Variants in OPCML observed in about 807,000 individuals in gnomAD.
OPCML encodes opioid-binding protein/cell adhesion molecule.
OPCML carries 13 observed loss-of-function variants against 37.8 expected under a neutral mutation model. That is an observed-to-expected ratio of 0.34 (90% CI 0.22 to 0.55). The LOEUF (loss-of-function observed/expected upper bound fraction) is 0.55, where lower values mean the gene tolerates loss of function less well. OPCML is among the 20% of genes least tolerant of loss of function. The pLI, the probability that OPCML is intolerant of heterozygous loss-of-function variation, is 0.91. For missense variants in OPCML, 341 were observed against 435.6 expected, an observed-to-expected ratio of 0.78 and a Z score of 1.93; for synonymous variants, 176 against 168.8, an observed-to-expected ratio of 1.04 and a Z score of -0.33.
intron 4 of OPCML, among the ~76,000 whole-genome samples, chr11:132,445,098 C>T (rs1238775593): frequency 6.6e-6 from 1 of 152,218 alleles, no homozygotes; most frequent in African/African-American, 2.4e-5. Context: ...AGTGGCTTGC[C>T]CCCATCCAGG....
chr11:133,125,561 T>C (rs551668507), intron 1 of OPCML, among the ~76,000 whole-genome samples: 1 of 148,846 alleles, frequency 6.7e-6, no homozygotes, highest in South Asian at 2.1e-4. Flanking sequence ...AGGATATATA[T>C]ATATATAAAA....
At chr11:132,720,498 T>A (rs181078856) in intron 2 of OPCML, among the ~76,000 whole-genome samples, 1 of 152,352 alleles carries the variant, frequency 6.6e-6, no homozygotes, top group Non-Finnish European at 1.5e-5. Context: ...AAAACTGCAT[T>A]TGCCAAAAAG....
intron 2 of OPCML, among the ~76,000 whole-genome samples, chr11:132,905,939 T>C (rs1266010529): frequency 6.6e-6 from 1 of 152,220 alleles, no homozygotes; most frequent in Non-Finnish European, 1.5e-5. Context: ...GATGCATGTC[T>C]TAGCATTCAT....
intron 2 of OPCML, among the ~76,000 whole-genome samples, chr11:132,876,547 A>C (rs74690231): frequency 6.6e-6 from 1 of 152,184 alleles, no homozygotes; most frequent in Non-Finnish European, 1.5e-5. Context: ...AATCATCCTC[A>C]TGCTTACAGT....
At chr11:132,993,566 C>T (rs1425491246) in intron 1 of OPCML, among the ~76,000 whole-genome samples, 1 of 152,138 alleles carries the variant, frequency 6.6e-6, no homozygotes, top group Non-Finnish European at 1.5e-5. Flanking sequence ...TCTTCATGCC[C>T]TCCAGGGTGG....
chr11:132,440,445 C>T (rs2096028776), intron 4 of OPCML, among the ~76,000 whole-genome samples: 2 of 152,094 alleles, frequency 1.3e-5, no homozygotes, highest in Admixed American at 1.3e-4. Context: ...GGCCGGGGCC[C>T]CCACCCTGAG....
At position 133,281,173 on chromosome 11, in the gene OPCML, C is replaced by T. The variant is rs564620234; in HGVS notation, c.61+251091G>A. ...TGCTTAAAGAGACAAACCATGGGTC[C>T]ATCTGATATGGTGATATGGTTTGGA... is the stretch of plus-strand genomic sequence containing the variant. On this transcript the variant is annotated intron_variant, in intron 1 of 7. Coordinates refer to ENST00000524381, the MANE Select transcript of OPCML (RefSeq NM_001012393.5). Among the ~76,000 whole-genome samples the T allele has an allele frequency of 8.5e-5, 13 of 152,232 alleles. No individual in the cohort carries two copies. The South Asian group carries it at 2.3e-3, about 27-fold the overall frequency.
chr11:132,606,947 G>A (rs563290630), intron 3 of OPCML, among the ~76,000 whole-genome samples: 2 of 152,088 alleles, frequency 1.3e-5, no homozygotes, highest in Non-Finnish European at 2.9e-5. Context: ...TGCTTCCCAG[G>A]GGTTTCTGTC....
chr11:132,607,594 G>A (rs1011079139), intron 3 of OPCML, among the ~76,000 whole-genome samples: 3 of 152,176 alleles, frequency 2.0e-5, no homozygotes, highest in African/African-American at 7.2e-5. Flanking sequence ...TAAACCACCT[G>A]CTTTTCTATA....
intron 1 of OPCML, among the ~76,000 whole-genome samples, chr11:133,268,324 G>A (rs969945886): frequency 2.0e-5 from 3 of 152,088 alleles, no homozygotes; most frequent in African/African-American, 4.8e-5. Context: ...TAACTGAAAG[G>A]GACATTTCCA....
At chr11:133,522,361 T>TTGTACTAC (rs1342750155) in intron 1 of OPCML, among the ~76,000 whole-genome samples, 1 of 152,212 alleles carries the variant, frequency 6.6e-6, no homozygotes, top group Non-Finnish European at 1.5e-5. Context: ...GCATTTGGTA[T>TTGTACTAC]TGTACTACCC....
intron 2 of OPCML, among the ~76,000 whole-genome samples, chr11:132,738,126 G>A (rs1003331249): frequency 2.0e-4 from 31 of 152,144 alleles, no homozygotes; most frequent in Middle Eastern, 3.2e-3. Context: ...CGCTAGAGTG[G>A]GAAGCATTGC....
chr11:132,535,797 C>T (rs370125503), intron 3 of OPCML, among the ~76,000 whole-genome samples: 27 of 152,178 alleles, frequency 1.8e-4, no homozygotes, highest in African/African-American at 6.5e-4. Context: ...GCGGTTTCCT[C>T]CCCTAGGAGG....
intron 2 of OPCML, among the ~76,000 whole-genome samples, chr11:132,800,979 T>A (rs1938615138): frequency 6.6e-6 from 1 of 152,196 alleles, no homozygotes; most frequent in South Asian, 2.1e-4. Context: ...TGATATTATT[T>A]CTCCTTTAAA....
chr11:132,746,242 CACCATTCTTTGAACTGTTTGTAAAAG>C (rs1289919982), intron 2 of OPCML, among the ~76,000 whole-genome samples: 1 of 152,144 alleles, frequency 6.6e-6, no homozygotes, highest in Non-Finnish European at 1.5e-5. Context: ...AGGCTTTTGT[CACCATTCTTTGAACTGTTTGTAAAAG>C]ACCTCTGGTT....
At chr11:133,073,666 A>T (rs1331047805) in intron 1 of OPCML, among the ~76,000 whole-genome samples, 1 of 152,222 alleles carries the variant, frequency 6.6e-6, no homozygotes, top group Non-Finnish European at 1.5e-5. Flanking sequence ...CTCAGTAAAT[A>T]GGTAGCAAAT....
At chr11:133,300,531 T>C (rs1171166899) in intron 1 of OPCML, 1 of 152,232 alleles carries the variant, frequency 6.6e-6, no homozygotes, top group Non-Finnish European at 1.5e-5. Flanking sequence ...GTATTGTCCA[T>C]ATCACTCATG....
At chr11:132,937,490 GA>G (rs374395878) in intron 2 of OPCML, among the ~76,000 whole-genome samples, 9 of 152,052 alleles carry the variant, frequency 5.9e-5, no homozygotes, top group African/African-American at 2.2e-4. Context: ...GAGAGAGAGA[GA>G]GAGAGTGTGT....
chr11:132,763,602 A>C (rs949962372), intron 2 of OPCML, among the ~76,000 whole-genome samples: 2 of 152,220 alleles, frequency 1.3e-5, no homozygotes, highest in African/African-American at 4.8e-5. Flanking sequence ...GAATGACTAC[A>C]TCTGATGTAA....
Sources: allele counts gnomAD v4.1 joint callset (sites outside exome capture counted in the v4.1 genomes callset), GRCh38; gene constraint gnomAD v4.1.1; transcripts MANE v1.5; gene names NCBI Gene and HGNC (gene_info 2026-07-23, HGNC 2026-07-21).